The following CA11 variants were observed in gnomAD, a reference collection of about 807,000 sequenced individuals.
The protein encoded by CA11 is carbonic anhydrase-related protein 11.
A neutral mutation model predicts 39.3 loss-of-function variants in CA11; 20 were observed. The observed-to-expected ratio is 0.51, with a 90% CI of 0.36 to 0.74. The LOEUF is 0.74. Among genes scored for constraint, CA11 ranks in the 30% least tolerant of loss-of-function variants. CA11 has a pLI of 0.00. For missense variants in CA11, 336 were observed against 424.6 expected (o/e 0.79, Z 1.83); for synonymous variants, 166 against 172.5 (o/e 0.96, Z 0.29).
intron 2 of CA11, 81 bp from the exon 3 acceptor site, chr19:48,644,650 G>A: frequency 7.9e-7 from 1 of 1,260,598 alleles, no homozygotes; most frequent in African/African-American, 1.5e-5. Context: ...TGAGTGGGCT[G>A]TGGTCTGGAC....
rs1183750756 is a variant in CA11, at chr19:48,639,948, G to C, written c.472-65C>G. The stretch of plus-strand genomic sequence containing the variant: ...GGAGGAGAGCATGACCCCAGCTTTG[G>C]GGGCCCGAATCAGGCTGAGGATTAG... On this transcript the variant is annotated intron_variant, in intron 4 of 8. Transcript: ENST00000084798. 4 of 1,549,766 alleles carry C rather than the reference G, an allele frequency of 2.6e-6. No individual in the cohort carries two copies. The Admixed American group carries it at 6.7e-5, about 26-fold the overall frequency.
chr19:48,644,465 A>G lies in CA11; in HGVS notation c.247T>C (p.Phe83Leu), dbSNP rs2031184940. The G allele has an allele frequency of 6.2e-7, 1 of 1,610,880 alleles. No homozygotes were observed. The highest frequency in any genetic ancestry group is 8.5e-7 in the Non-Finnish European group (1 of 1,177,896). The change falls in exon 3 of 9, where the codon TTT becomes CTT. Residue 83 changes from phenylalanine (F) to leucine (L), a missense_variant. Coordinates refer to ENST00000084798, the MANE Select transcript of CA11 (RefSeq NM_001217.5). ...VELKRVLYDPFLPPLRLSTGG... is the reference protein window; with the variant it reads ...VELKRVLYDPLLPPLRLSTGG... ...GTGCTGAGCCTTAATGGGGGCAGAA[A>G]GGGGTCATAAAGAACCCTCTTCAGC...
At chr19:48,642,758 T>C (rs1470040774) in intron 3 of CA11, among the ~76,000 whole-genome samples, 1 of 152,020 alleles carries the variant, frequency 6.6e-6, no homozygotes, top group Non-Finnish European at 1.5e-5. Context: ...GGTGCCTACA[T>C]GAGACTGGGG....
At position 48,639,552 on chromosome 19, in the gene CA11, T is replaced by C. The variant is rs371736063; in HGVS notation, c.637A>G (p.Lys213Glu). 93 of 1,613,756 alleles carry C rather than the reference T, an allele frequency of 5.8e-5. No homozygotes were observed. The highest frequency in any genetic ancestry group is 7.7e-5 in the Non-Finnish European group (91 of 1,179,932). The change falls in exon 6 of 9, where the codon AAG (lysine) becomes GAG (glutamate). Residue 213 changes from lysine to glutamate, a missense_variant. Lys to Glu is a moderately conservative substitution (Grantham distance 56). Coordinates refer to ENST00000084798, the MANE Select transcript of CA11 (RefSeq NM_001217.5). Reference protein sequence around the residue: ...NRDTITRISYKNDAYFLQDLS... With the variant: ...NRDTITRISYENDAYFLQDLS... ...CCCCAGCACGCCAGGGACTTACTCT[T>C]GTAGGAGATGCGAGTGATGGTGTCG...
intron 2 of CA11, 144 bp from the exon 3 acceptor site, chr19:48,644,713 G>A: frequency 1.8e-6 from 1 of 554,882 alleles, no homozygotes; most frequent in South Asian, 4.3e-5. Flanking sequence ...GGGTCTGAGG[G>A]AGGACTGGGC....
Position 48,639,149 on chromosome 19 carries a change from G to C in CA11, c.796-96C>G, listed in dbSNP as rs573374162. On this transcript the variant is annotated intron_variant, in intron 7 of 8. Coordinates refer to ENST00000084798, the MANE Select transcript of CA11 (RefSeq NM_001217.5). ...CCGCCCCTGGGAGCAGGTGGGCGGG[G>C]TCTGTTCTCAGCCCCACCCACCCCC... The C allele has an allele frequency of 1.9e-5, 30 of 1,553,060 alleles. 4 individuals carry two copies. The South Asian group carries it at 3.4e-4, about 18-fold the overall frequency.
Position 48,645,608 on chromosome 19 carries a change from C to T in CA11, c.25G>A (p.Ala9Thr). 6.2e-7 allele frequency: 1 copy of T among 1,600,986 alleles called. No homozygotes were observed. The highest frequency in any genetic ancestry group is 1.7e-5 in the Admixed American group (1 of 58,448). The change falls in exon 1 of 9, where the codon GCC becomes ACC. Residue 9 changes from alanine (A) to threonine (T), a missense_variant. Coordinates refer to ENST00000084798, the MANE Select transcript of CA11 (RefSeq NM_001217.5). MGAAARLSAPRALVLWAAL... is the reference protein window; with the variant it reads MGAAARLSTPRALVLWAAL... ...GCCCAGAGTACCAGCGCTCGAGGGG[C>T]GCTCAGACGAGCTGCAGCCCCCATC...
Position 48,645,281 on chromosome 19 carries a change from C to T in CA11, c.142+122G>A, listed in dbSNP as rs753983346. ...AGAAGCTGGCCCGACTCCTGAGGGACAGAGGAGGGGGCTGGGACTCCTGGT... is the reference window on the plus strand; with the variant it reads ...AGAAGCTGGCCCGACTCCTGAGGGATAGAGGAGGGGGCTGGGACTCCTGGT... On this transcript the variant is annotated intron_variant, in intron 2 of 8. Coordinates refer to ENST00000084798, the MANE Select transcript of CA11 (RefSeq NM_001217.5). 1.4e-4 allele frequency: 111 copies of T among 815,178 alleles called. 1 individual carries two copies. The highest frequency in any genetic ancestry group is 5.7e-5 in the Non-Finnish European group (29 of 507,162). 50.5% of individuals were successfully genotyped at this position (815,178 alleles called of 1,614,324 possible). A position where few individuals can be genotyped will look rare whatever the true frequency, so the allele number is the denominator to read the frequency against.
At chr19:48,638,374 TGGGGG>T in intron 8 of CA11, 308 of 80,358 alleles carry the variant, frequency 3.8e-3, no homozygotes, top group Middle Eastern at 5.6e-3. Context: ...AAGGTCTTCA[TGGGGG>T]GGGGGGGGTG....
chr19:48,638,430 C>T, intron 8 of CA11: 1 of 996,120 alleles, frequency 1.0e-6, no homozygotes, highest in Non-Finnish European at 1.2e-6. Context: ...GTGTGAGATT[C>T]CTGGGCTAAA....
At chr19:48,641,352 T>C (rs944887116) in intron 3 of CA11, among the ~76,000 whole-genome samples, 1 of 152,224 alleles carries the variant, frequency 6.6e-6, no homozygotes, top group African/African-American at 2.4e-5. Context: ...AGTTTGTAAG[T>C]TGGTGCCCAA....
chr19:48,640,124 G>C lies in CA11; in HGVS notation c.442C>G (p.Gln148Glu). ...GARDGAGSEH[Q>E]INHQGFSAEV... is the part of the protein sequence containing the mutation. ...GCAGAGAAGCCCTGGTGGTTGATCT[G>C]ATGTTCCGAGCCGGCTCCGTCGCGA... Residue 148 changes from glutamine to glutamate, a missense_variant, in exon 4 of 9, where the codon CAG (glutamine) becomes GAG (glutamate). Coordinates refer to ENST00000084798, the MANE Select transcript of CA11 (RefSeq NM_001217.5). The C allele has an allele frequency of 6.2e-7, 1 of 1,613,976 alleles. No homozygotes were observed. Among genetic ancestry groups the C allele is most frequent in the Non-Finnish European group, 8.5e-7 (1 of 1,179,950 alleles).
rs1319180333 is a variant in CA11 at position 48,640,235 on chromosome 19, G to A, written c.331C>T (p.Pro111Ser). The change falls in exon 4 of 9, where the codon CCT becomes TCT. Residue 111 changes from proline to serine, a missense_variant. Pro to Ser is a moderately conservative substitution (Grantham distance 74). Transcript: ENST00000084798. ...YNTGRHVSFLPAPRPVVNVSG... is the reference protein window; with the variant it reads ...YNTGRHVSFLSAPRPVVNVSG... Reference sequence around the variant, plus strand: ...ACATTGACCACAGGTCGGGGTGCAGGCAGGAAGGAGACATGTCGGCCGGTG... The same window carrying A: ...ACATTGACCACAGGTCGGGGTGCAGACAGGAAGGAGACATGTCGGCCGGTG... 1.2e-6 allele frequency: 2 copies of A among 1,614,076 alleles called. No homozygotes were observed. Among genetic ancestry groups the A allele is most frequent in the Admixed American group, 1.7e-5 (1 of 60,014 alleles).
intron 3 of CA11, among the ~76,000 whole-genome samples, chr19:48,642,283 G>A (rs957085487): frequency 9.2e-5 from 14 of 152,314 alleles, no homozygotes; most frequent in African/African-American, 3.4e-4. Context: ...CAGATCACCA[G>A]AGGTCAGGAG....
At chr19:48,638,833 G>A (rs2030947878) in intron 8 of CA11, 55 bp downstream of exon 8, 2 of 1,477,546 alleles carry the variant, frequency 1.4e-6, no homozygotes. Context: ...ACCAAGGGGA[G>A]ACACATATAA....
At chr19:48,638,267 G>A in intron 8 of CA11, 123 bp from the exon 9 acceptor site, 8 of 1,179,126 alleles carry the variant, frequency 6.8e-6, no homozygotes, top group Non-Finnish European at 8.5e-6. Flanking sequence ...CGGGGAACCA[G>A]AATGTACTAG....
intron 2 of CA11, 86 bp from the exon 3 acceptor site, chr19:48,644,655 C>A (rs2031192647): frequency 2.5e-6 from 3 of 1,195,498 alleles, no homozygotes; most frequent in Non-Finnish European, 3.3e-6. Context: ...GGGCTGTGGT[C>A]TGGACTCCCA....
chr19:48,640,069 G>C (rs774769023), intron 4 of CA11, 26 bp downstream of exon 4: 1 of 1,604,502 alleles, frequency 6.2e-7, no homozygotes, highest in South Asian at 1.1e-5. Flanking sequence ...GCGGAGGGTG[G>C]CGGGTAAACA....
At chr19:48,639,090 A>G (rs1003986851) in intron 7 of CA11, 37 bp from the exon 8 acceptor site, 3 of 1,611,954 alleles carry the variant, frequency 1.9e-6, no homozygotes, top group Non-Finnish European at 2.5e-6. Flanking sequence ...GGGAGTGAAT[A>G]GTGAATGGTC....
Sources: gnomAD v4.1 joint callset for allele counts (sites outside exome capture counted in the v4.1 genomes callset) on GRCh38, gnomAD v4.1.1 for gene constraint, MANE v1.5 for transcripts, NCBI Gene and HGNC (gene_info 2026-07-23, HGNC 2026-07-21) for gene names.